WDR75: variants seen among roughly 807,000 people sequenced by gnomAD.
WDR75 encodes WD repeat domain 75, also known as WD repeat-containing protein 75.
WDR75 carries 52 observed loss-of-function variants against 106.1 expected under a neutral mutation model. The ratio of observed to expected loss-of-function variants is 0.49; its 90% CI spans 0.39 to 0.62. The LOEUF is 0.62. Among genes scored for constraint, WDR75 ranks in the 20% least tolerant of loss-of-function variants. The pLI, the probability that WDR75 is intolerant of heterozygous loss-of-function variation, is 0.00. For missense variants in WDR75, 905 were observed against 970.3 expected (o/e 0.93, Z 0.89); for synonymous variants, 333 against 335.5 (o/e 0.99, Z 0.08).
At chr2:189,450,742 G>T (rs1341333728) in intron 2 of WDR75, 161 bp from the exon 3 acceptor site, 13 of 1,419,604 alleles carry the variant, frequency 9.2e-6, no homozygotes, top group Non-Finnish European at 1.2e-5. Context: ...GCTGTGAAAA[G>T]ATTGTTTTGC....
At chr2:189,474,594 A>C (rs1026568290) in intron 19 of WDR75, 123 bp from the exon 20 acceptor site, 1 of 939,354 alleles carries the variant, frequency 1.1e-6, no homozygotes, top group African/African-American at 1.7e-5. Flanking sequence ...TGTATAGGGA[A>C]AGCCTTTTCA....
rs1166544077 is a variant in WDR75 at position 189,450,819 on chromosome 2, C to T, written c.217-84C>T. 1.9e-6 allele frequency: 3 copies of T among 1,567,402 alleles called. No homozygotes were observed. In the Admixed American group the frequency reaches 6.0e-5, roughly 32 times the overall value. The stretch of plus-strand genomic sequence containing the variant: ...CAGTGAATTAATGAATAGAAAATGC[C>T]CCTGATCAACATTTAATTATTCATT... On this transcript the variant is annotated intron_variant, in intron 2 of 20. Transcript: ENST00000314761.
At chr2:189,454,410 G>GTTGCTTTTAGCTACTCAGCTGACCAACA (rs1414191601) in intron 4 of WDR75, among the ~76,000 whole-genome samples, 1 of 151,968 alleles carries the variant, frequency 6.6e-6, no homozygotes, top group Non-Finnish European at 1.5e-5. Context: ...CAGATGATTT[G>GTTGCTTTTAGCTACTCAGCTGACCAACA]TTGCTTTTAG....
chr2:189,462,620 C>G lies in WDR75; in HGVS notation c.915C>G (p.Phe305Leu), dbSNP rs370964637. Residue 305 changes from phenylalanine to leucine, a missense_variant, in exon 9 of 21, where the codon TTC becomes TTG. Physicochemically the swap from Phe to Leu is conservative, Grantham distance 22. Coordinates refer to ENST00000314761, the MANE Select transcript of WDR75 (RefSeq NM_032168.3). ...CAGTCTCGCCTGCAGGAGATTTATT[C>G]TGCACTTCTCACTCTGATAATAGTA... ...HISVSPAGDL[F>L]CTSHSDNKII... 9.1e-4 allele frequency: 1,464 copies of G among 1,613,820 alleles called. 28 individuals are homozygous for G. The South Asian group carries it at 0.015, about 17-fold the overall frequency.
At chr2:189,455,540 C>T in intron 5 of WDR75, 96 bp downstream of exon 5, 2 of 1,419,764 alleles carry the variant, frequency 1.4e-6, no homozygotes, top group South Asian at 2.8e-5. Context: ...TTTTATATTC[C>T]CTTGAATTAC....
chr2:189,469,409 G>A lies in WDR75; in HGVS notation c.1789G>A (p.Ala597Thr). The change falls in exon 16 of 21, where the codon GCA (alanine) becomes ACA (threonine). Residue 597 changes from alanine to threonine, a missense_variant. Physicochemically the swap from Ala to Thr is moderately conservative, Grantham distance 58 (BLOSUM62 0). Coordinates refer to ENST00000314761, the MANE Select transcript of WDR75 (RefSeq NM_032168.3). ...EPDPNSENIA[A>T]ISQSSVGSDL... ...CGATCCTAATTCAGAGAATATTGCT[G>A]CAATCTCTCAGTCTTCAGTGGGTTC... is the stretch of plus-strand genomic sequence containing the variant. 6.2e-7 allele frequency: 1 copy of A among 1,613,444 alleles called. No homozygotes were observed. Among genetic ancestry groups the A allele is most frequent in the Non-Finnish European group, 8.5e-7 (1 of 1,179,506 alleles).
chr2:189,464,942 G>A, intron 11 of WDR75, 137 bp from the exon 12 acceptor site: 1 of 560,114 alleles, frequency 1.8e-6, no homozygotes, highest in Non-Finnish European at 2.9e-6. Context: ...GTTCATTTTT[G>A]CCTTTATTTA....
chr2:189,467,663 G>C lies in WDR75; in HGVS notation c.1628+15G>C. 6.3e-7 allele frequency: 1 copy of C among 1,583,556 alleles called. No individual in the cohort carries two copies. The highest frequency in any genetic ancestry group is 8.6e-7 in the Non-Finnish European group (1 of 1,165,098). Reference sequence around the variant, plus strand: ...GGGAAAATAAGGTAGGTAAATCTTCGGGAAGTATGTAGTACTATTTTTTAA... The same window carrying C: ...GGGAAAATAAGGTAGGTAAATCTTCCGGAAGTATGTAGTACTATTTTTTAA... On this transcript the variant is annotated intron_variant, in intron 14 of 20. Coordinates refer to ENST00000314761, the MANE Select transcript of WDR75 (RefSeq NM_032168.3).
chr2:189,443,980 A>C (rs1686441386), intron 1 of WDR75, among the ~76,000 whole-genome samples: 2 of 152,338 alleles, frequency 1.3e-5, no homozygotes, highest in South Asian at 4.1e-4. Context: ...ATGGGGAGAT[A>C]GAGTTCAGTT....
At chr2:189,463,123 A>G (rs1418126175) in intron 9 of WDR75, among the ~76,000 whole-genome samples, 2 of 152,252 alleles carry the variant, frequency 1.3e-5, no homozygotes, top group East Asian at 3.8e-4. Flanking sequence ...AGACTAGGAT[A>G]TCTTTGTAAA....
chr2:189,450,623 C>G, intron 2 of WDR75: 1 of 1,217,310 alleles, frequency 8.2e-7, no homozygotes, highest in East Asian at 5.2e-5. Context: ...TGGTGCTTTT[C>G]ATATCTCATT....
chr2:189,454,032 T>A (rs1686682229), intron 4 of WDR75, among the ~76,000 whole-genome samples: 1 of 152,200 alleles, frequency 6.6e-6, no homozygotes, highest in Non-Finnish European at 1.5e-5. Context: ...AACAAAACAC[T>A]TCTAAGTCCC....
intron 8 of WDR75, among the ~76,000 whole-genome samples, chr2:189,460,713 C>T (rs1686862049): frequency 6.6e-6 from 1 of 151,918 alleles, no homozygotes; most frequent in African/African-American, 2.4e-5. Context: ...ACCGTGTTGC[C>T]AGGCTGGTCT....
In WDR75 at chr2:189,467,472, A is replaced by G. The variant is rs1343539211; in HGVS notation, c.1452A>G (p.Lys484=). The G allele has an allele frequency of 6.3e-7, 1 of 1,593,254 alleles. No homozygotes were observed. The highest frequency in any genetic ancestry group is 1.1e-5 in the South Asian group (1 of 87,118). Residue 484 remains lysine, a synonymous_variant, in exon 14 of 21, where the codon AAA becomes AAG. Transcript: ENST00000314761. Reference sequence around the variant, plus strand: ...TTATGGCTTATATTTCCACAGAAAAAGCTGTTGGCTGGACCTGTGACTTTG... The same window carrying G: ...TTATGGCTTATATTTCCACAGAAAAGGCTGTTGGCTGGACCTGTGACTTTG... ...ILTDDSDIYK[K]AVGWTCDFVG...
At chr2:189,473,760 T>G (rs1175713723) in intron 18 of WDR75, among the ~76,000 whole-genome samples, 4 of 151,994 alleles carry the variant, frequency 2.6e-5, no homozygotes, top group African/African-American at 7.3e-5. Context: ...TTGGGATGCT[T>G]CTTGGCTTTC....
At chr2:189,453,570 C>T (rs142480753) in intron 4 of WDR75, among the ~76,000 whole-genome samples, 1 of 152,226 alleles carries the variant, frequency 6.6e-6, no homozygotes, top group Non-Finnish European at 1.5e-5. Flanking sequence ...GGATGGAAAA[C>T]GACTGATCTA....
At chr2:189,466,353 G>A in intron 12 of WDR75, 72 bp from the exon 13 acceptor site, 2 of 1,514,298 alleles carry the variant, frequency 1.3e-6, no homozygotes, top group South Asian at 1.2e-5. Context: ...AAAATGTACA[G>A]CATGTCAGAA....
At position 189,474,721 on chromosome 2, in the gene WDR75, T is replaced by G; in HGVS notation, c.2201T>G (p.Leu734Arg). The G allele has an allele frequency of 6.2e-7, 1 of 1,613,890 alleles. No individual in the cohort carries two copies. Among genetic ancestry groups the G allele is most frequent in the Non-Finnish European group, 8.5e-7 (1 of 1,179,860 alleles). ...GTGTTTTCTGTTTGACTCCAGCTTC[T>G]TCACACTCCAGCCCATGTCCTGCCA... ...TENIPAISELLHTPAHVLPSA... is the reference protein window; with the variant it reads ...TENIPAISELRHTPAHVLPSA... The change falls in exon 20 of 21, where the codon CTT (leucine) becomes CGT (arginine). Residue 734 changes from leucine (L) to arginine (R), a missense_variant. By Grantham distance (102) the Leu-to-Arg change is moderately radical. Coordinates refer to ENST00000314761, the MANE Select transcript of WDR75 (RefSeq NM_032168.3).
rs556894824 is a variant in WDR75, at chr2:189,475,486, A to C, written c.*69A>C. 9.7e-6 allele frequency: 9 copies of C among 932,114 alleles called. No individual in the cohort carries two copies. The African/African-American group carries it at 1.5e-4, about 16-fold the overall frequency. 57.7% of individuals were successfully genotyped at this position (932,114 alleles called of 1,614,324 possible). On this transcript the variant is annotated 3_prime_UTR_variant, in exon 21 of 21. Coordinates refer to ENST00000314761, the MANE Select transcript of WDR75 (RefSeq NM_032168.3). ...GTATGTTGATATTCTAAAAACATCT[A>C]TTTTAATGTTATTTCTGTTCTAAAA...
Sources: allele counts gnomAD v4.1 joint callset (sites outside exome capture counted in the v4.1 genomes callset), GRCh38; gene constraint gnomAD v4.1.1; transcripts MANE v1.5; gene names NCBI Gene and HGNC (gene_info 2026-07-23, HGNC 2026-07-21).